ACBD6: variants seen among roughly 807,000 people sequenced by gnomAD.
ACBD6 encodes acyl-CoA-binding domain-containing protein 6.
In ACBD6, 28 loss-of-function variants were observed where a neutral mutation model predicts 37.2. The ratio of observed to expected loss-of-function variants is 0.75; its 90% CI spans 0.56 to 1.03. ACBD6 has a LOEUF of 1.03. Among genes scored for constraint, ACBD6 ranks in the 50% least tolerant of loss-of-function variants. The pLI is 0.00. For missense variants in ACBD6, 340 were observed against 337.4 expected (o/e 1.01, Z -0.06); for synonymous variants, 113 against 126.8 (o/e 0.89, Z 0.73).
At chr1:180,331,757 T>C (rs1651491227) in intron 6 of ACBD6, among the ~76,000 whole-genome samples, 1 of 152,190 alleles carries the variant, frequency 6.6e-6, no homozygotes, top group African/African-American at 2.4e-5. Flanking sequence ...TCTGTAAATT[T>C]TTCCCCCAAG....
exon 14 of ACBD6, chr1:180,270,995 A>C: frequency 3.1e-6 from 1 of 323,918 alleles, no homozygotes; most frequent in South Asian, 2.6e-5. Context: ...ACATGACTTC[A>C]ACCTGGCTGT....
chr1:180,272,751 C>T (rs1648753342), intron 12 of ACBD6: 1 of 152,246 alleles, frequency 6.6e-6, no homozygotes, highest in African/African-American at 2.4e-5. Context: ...GTTTCCAGTG[C>T]AGCTCTGTCA....
At chr1:180,373,063 G>C (rs1228840932) in intron 6 of ACBD6, among the ~76,000 whole-genome samples, 1 of 152,156 alleles carries the variant, frequency 6.6e-6, no homozygotes, top group Admixed American at 6.5e-5. Flanking sequence ...TAGGCCGAGA[G>C]TCACCCCGAG....
At chr1:180,469,377 G>A (rs1235408676) in intron 3 of ACBD6, among the ~76,000 whole-genome samples, 1 of 152,076 alleles carries the variant, frequency 6.6e-6, no homozygotes, top group Non-Finnish European at 1.5e-5. Flanking sequence ...ACTAGAAGTC[G>A]TATTTCACAT....
intron 1 of ACBD6, among the ~76,000 whole-genome samples, chr1:180,496,886 T>C (rs1014014786): frequency 6.6e-6 from 1 of 151,392 alleles, no homozygotes; most frequent in African/African-American, 2.4e-5. Context: ...TCCTGCTAGG[T>C]ATGCCATCAC....
At chr1:180,464,126 C>T (rs1056397584) in intron 3 of ACBD6, among the ~76,000 whole-genome samples, 6 of 152,000 alleles carry the variant, frequency 3.9e-5, no homozygotes, top group Non-Finnish European at 8.8e-5. Flanking sequence ...TGGAAGTGCT[C>T]CCCTTGAAAA....
rs557777305 is a variant in ACBD6, at chr1:180,435,714, T to C, written c.385-5452A>G. On this transcript the variant is annotated intron_variant, in intron 3 of 7. Coordinates refer to ENST00000367595, the MANE Select transcript of ACBD6 (RefSeq NM_032360.4). ...AAGAAGTTAGAGACCGCTGTCAATC[T>C]CGCCTGGACAGCAGGAAACAGTAAC... 3.2e-5 allele frequency: 27 copies of C among 854,258 alleles called. No individual in the cohort carries two copies. The East Asian group carries it at 5.8e-4, about 18-fold the overall frequency. 52.9% of individuals were successfully genotyped at this position (854,258 alleles called of 1,614,324 possible).
intron 4 of ACBD6, among the ~76,000 whole-genome samples, chr1:180,416,722 G>A (rs1404203930): frequency 6.6e-6 from 1 of 152,166 alleles, no homozygotes; most frequent in Admixed American, 6.5e-5. Flanking sequence ...CACTCTATGG[G>A]AAAGAGGGAG....
chr1:180,285,474 A>G (rs1649461187), downstream of ACBD6, among the ~76,000 whole-genome samples: 1 of 152,246 alleles, frequency 6.6e-6, no homozygotes, highest in African/African-American at 2.4e-5. Flanking sequence ...AAATATTTAA[A>G]CTCAATATTT....
chr1:180,369,297 G>A (rs192050939), intron 6 of ACBD6, among the ~76,000 whole-genome samples: 7 of 152,274 alleles, frequency 4.6e-5, no homozygotes, highest in Admixed American at 6.5e-5. Flanking sequence ...CTCACCTTTC[G>A]CTCACTTGCC....
intron 5 of ACBD6, among the ~76,000 whole-genome samples, chr1:180,406,841 A>G (rs1445964281): frequency 6.6e-6 from 1 of 152,178 alleles, no homozygotes; most frequent in Non-Finnish European, 1.5e-5. Context: ...CAAATATCAG[A>G]TAAATACAAA....
intron 3 of ACBD6, among the ~76,000 whole-genome samples, chr1:180,464,974 G>C (rs1650290950): frequency 6.6e-6 from 1 of 152,176 alleles, no homozygotes; most frequent in Non-Finnish European, 1.5e-5. Flanking sequence ...TAACTGGCTA[G>C]CCATATATAG....
At chr1:180,321,046 C>T (rs193247673) in intron 6 of ACBD6, among the ~76,000 whole-genome samples, 234 of 152,208 alleles carry the variant, frequency 1.5e-3, no homozygotes, top group African/African-American at 5.4e-3. Context: ...ATTAAAGAGG[C>T]TGTCTTTTCC....
At chr1:180,408,169 G>T (rs893655451) in intron 5 of ACBD6, among the ~76,000 whole-genome samples, 2 of 152,170 alleles carry the variant, frequency 1.3e-5, no homozygotes, top group Non-Finnish European at 2.9e-5. Flanking sequence ...ACTGAAATTT[G>T]GGGGTTGTGC....
chr1:180,474,834 T>C (rs1650719734), intron 3 of ACBD6, among the ~76,000 whole-genome samples: 1 of 152,268 alleles, frequency 6.6e-6, no homozygotes, highest in African/African-American at 2.4e-5. Flanking sequence ...CAAATCCAAA[T>C]CAACAGACTT....
chr1:180,331,428 A>C (rs1352344859), intron 6 of ACBD6, among the ~76,000 whole-genome samples: 1 of 152,234 alleles, frequency 6.6e-6, no homozygotes, highest in Non-Finnish European at 1.5e-5. Context: ...TATGGTATCA[A>C]ACTTATATAA....
intron 3 of ACBD6, among the ~76,000 whole-genome samples, chr1:180,452,452 CAG>C (rs556968419): frequency 1.3e-3 from 192 of 151,908 alleles, no homozygotes; most frequent in Non-Finnish European, 1.6e-3. Flanking sequence ...GCCTGGGCAA[CAG>C]AGTGAGACTC....
At chr1:180,482,876 C>G (rs1428118833) in intron 3 of ACBD6, among the ~76,000 whole-genome samples, 1 of 152,092 alleles carries the variant, frequency 6.6e-6, no homozygotes, top group Non-Finnish European at 1.5e-5. Context: ...GTGTGTGGGG[C>G]AAGGTACTTG....
intron 5 of ACBD6, among the ~76,000 whole-genome samples, chr1:180,410,886 T>C (rs10913987): frequency 0.49 from 73,952 of 152,122 alleles, 20,812 homozygotes; most frequent in South Asian, 0.66. Context: ...CAATGATTGC[T>C]CTGATAGATC....
Sources: allele counts gnomAD v4.1 joint callset (sites outside exome capture counted in the v4.1 genomes callset), GRCh38; gene constraint gnomAD v4.1.1; transcripts MANE v1.5; gene names NCBI Gene and HGNC (gene_info 2026-07-23, HGNC 2026-07-21).